Variants in MAMLD1 observed in about 807,000 individuals in gnomAD.
MAMLD1 encodes mastermind-like domain-containing protein 1.
A neutral mutation model predicts 45.0 loss-of-function variants in MAMLD1; 14 were observed. The ratio of observed to expected loss-of-function variants is 0.31; its 90% CI spans 0.21 to 0.49. MAMLD1 has a LOEUF of 0.49. Among genes scored for constraint, MAMLD1 ranks in the 20% least tolerant of loss-of-function variants. The pLI, the probability that MAMLD1 is intolerant of heterozygous loss-of-function variation, is 0.99. For synonymous variants in MAMLD1, 254 were observed against 247.8 expected (o/e 1.02, Z -0.24); for missense variants, 543 against 603.6 (o/e 0.90, Z 1.05).
intron 1 of MAMLD1, among the ~76,000 whole-genome samples, chrX:150,370,986 T>C (rs143680774): frequency 0.018 from 1,976 of 111,461 alleles, 50 homozygotes; most frequent in African/African-American, 0.061. Context: ...ATTGGCTATC[T>C]TGAGCCTCCC....
chrX:150,442,201 C>A (rs782288025), intron 1 of MAMLD1, among the ~76,000 whole-genome samples: 341 of 111,322 alleles, frequency 3.1e-3, no homozygotes, highest in African/African-American at 0.01. Flanking sequence ...GAGCATCTTG[C>A]AACAGCATAT....
chrX:150,497,659 T>G (rs960329502), intron 5 of MAMLD1, among the ~76,000 whole-genome samples: 1 of 110,987 alleles, frequency 9.0e-6, no homozygotes, highest in Non-Finnish European at 1.9e-5. Flanking sequence ...GTCCCCCAAC[T>G]TGGAGTTCTC....
In MAMLD1 at chrX:150,382,971, C is replaced by T. The variant is rs1311493467; in HGVS notation, c.-64+19441C>T. On this transcript the variant is annotated intron_variant, in intron 1 of 7. Transcript: ENST00000370401. ...CCAGGCTGGACTGCAGTGGCGCGAT[C>T]TCGGCTCACTGCAAGCTCCGCCTCC... 7.4e-5 allele frequency among the ~76,000 whole-genome samples: 2 copies of T among 27,104 alleles called. 1 individual carries two copies. The highest frequency in any genetic ancestry group is 1.2e-4 in the Non-Finnish European group (2 of 16,177). The allele number at this position is 27,104 out of a possible 115,157, so 23.5% of individuals were successfully genotyped here.
intron 1 of MAMLD1, among the ~76,000 whole-genome samples, chrX:150,363,785 G>A (rs1569564268): frequency 8.9e-6 from 1 of 112,481 alleles, no homozygotes; most frequent in Non-Finnish European, 1.9e-5. Context: ...CGCCCGTCGG[G>A]CGTCTGAAAT....
intron 2 of MAMLD1, among the ~76,000 whole-genome samples, chrX:150,455,681 T>G (rs1557405295): frequency 9.0e-6 from 1 of 111,654 alleles, no homozygotes; most frequent in African/African-American, 3.3e-5. Context: ...AAACAGACCA[T>G]GAGGGCTCAG....
intron 3 of MAMLD1, among the ~76,000 whole-genome samples, chrX:150,466,955 C>G (rs782359515): frequency 9.0e-6 from 1 of 111,535 alleles, no homozygotes; most frequent in Admixed American, 9.4e-5. Context: ...GATGCCAGAC[C>G]ATTGCCCCTC....
chrX:150,398,314 GAAGAAGAAGAAGAAGAA>G (rs2033563656), intron 1 of MAMLD1, among the ~76,000 whole-genome samples: 5 of 99,128 alleles, frequency 5.0e-5, no homozygotes, highest in African/African-American at 1.9e-4. Flanking sequence ...AGAAGAAGAA[GAAGAAGAAGAAGAAGAA>G]GAAGAAGAAG....
intron 6 of MAMLD1, chrX:150,504,025 A>T: frequency 5.3e-6 from 4 of 753,117 alleles, no homozygotes; most frequent in Non-Finnish European, 6.3e-6. Flanking sequence ...CCCGCCCAGG[A>T]CTCCCACACC....
At chrX:150,500,316 G>C (rs1557408470) in intron 5 of MAMLD1, among the ~76,000 whole-genome samples, 1 of 111,991 alleles carries the variant, frequency 8.9e-6, no homozygotes. Context: ...ATGGCAGCCT[G>C]TCTGGAGAGC....
rs148402349 is a variant in MAMLD1, at chrX:150,471,019, C to T, written c.1446C>T (p.Ser482=). 4.1e-6 allele frequency: 5 copies of T among 1,210,218 alleles called. No homozygotes were observed. In the African/African-American group the frequency reaches 8.7e-5, roughly 21 times the overall value. Residue 482 remains serine (S), a synonymous_variant, in exon 4 of 8, where the codon AGC becomes AGT. Coordinates refer to ENST00000370401, the MANE Select transcript of MAMLD1 (RefSeq NM_005491.5). ...CCCCACAGTGTTCCCTGATCCGAAG[C>T]CTCACTCCCACCAGTAATCTTCTAA... ...SFTPQCSLIR[S]LTPTSNLLSQ... is the part of the protein sequence containing the mutation.
chrX:150,365,505 G>T (rs1356112121), intron 1 of MAMLD1, among the ~76,000 whole-genome samples: 1 of 113,297 alleles, frequency 8.8e-6, no homozygotes, highest in Non-Finnish European at 1.9e-5. Context: ...CGCTCGCCGG[G>T]CTCGGGCATA....
Position 150,462,829 on chromosome X carries a change from C to G in MAMLD1, c.154C>G (p.Pro52Ala). 8.3e-7 allele frequency: 1 copy of G among 1,208,816 alleles called. No homozygotes were observed. The highest frequency in any genetic ancestry group is 1.8e-5 in the South Asian group (1 of 56,915). Residue 52 changes from proline to alanine, a missense_variant, in exon 3 of 8, where the codon CCA becomes GCA. Physicochemically the swap from Pro to Ala is conservative, Grantham distance 27 (BLOSUM62 -1). Coordinates refer to ENST00000370401, the MANE Select transcript of MAMLD1 (RefSeq NM_005491.5). The stretch of plus-strand genomic sequence containing the variant: ...TTTATCTTTTCTCTACAAGAGCAGC[C>G]CAGGAAGAAAGCATCAGGTAAGCAT... ...EDLSFLYKSSPGRKHQGTVKR... is the reference protein window; with the variant it reads ...EDLSFLYKSSAGRKHQGTVKR...
intron 1 of MAMLD1, among the ~76,000 whole-genome samples, chrX:150,423,348 C>CTCTG (rs2034582284): frequency 1.3e-4 from 1 of 7,827 alleles, no homozygotes; most frequent in Non-Finnish European, 1.5e-3. Flanking sequence ...ACATTATACT[C>CTCTG]TGTGTGTGTG....
intron 1 of MAMLD1, among the ~76,000 whole-genome samples, chrX:150,394,249 G>A (rs2033327811): frequency 9.8e-6 from 1 of 102,258 alleles, no homozygotes; most frequent in Non-Finnish European, 2.0e-5. Flanking sequence ...GAACAGTTGA[G>A]TATATTCCTG....
intron 1 of MAMLD1, among the ~76,000 whole-genome samples, chrX:150,370,443 A>G (rs782649968): frequency 8.9e-6 from 1 of 112,119 alleles, no homozygotes; most frequent in East Asian, 2.8e-4. Context: ...TTTAGTCTGT[A>G]AAGGTGTCAA....
intron 3 of MAMLD1, among the ~76,000 whole-genome samples, chrX:150,464,170 T>C (rs2036144025): frequency 8.9e-6 from 1 of 111,753 alleles, no homozygotes. Flanking sequence ...AGGACTTAAC[T>C]GCAGGTCTTC....
At chrX:150,466,909 A>G (rs1310616142) in intron 3 of MAMLD1, among the ~76,000 whole-genome samples, 1 of 111,820 alleles carries the variant, frequency 8.9e-6, no homozygotes, top group African/African-American at 3.3e-5. Flanking sequence ...GAGCCCATAG[A>G]AGCTGCCAGC....
intron 1 of MAMLD1, among the ~76,000 whole-genome samples, chrX:150,368,407 GT>G (rs1166471642): frequency 0.061 from 6,200 of 101,960 alleles, 383 homozygotes; most frequent in African/African-American, 0.18. Flanking sequence ...TGATGGGGTT[GT>G]TTTTTTTTTT....
At chrX:150,508,283 C>T (rs191160421) in intron 6 of MAMLD1, among the ~76,000 whole-genome samples, 632 of 112,302 alleles carry the variant, frequency 5.6e-3, no homozygotes, top group Middle Eastern at 0.037. Context: ...TGGGGTGTTG[C>T]TAGATGACAT....
Sources: allele counts gnomAD v4.1 joint callset (sites outside exome capture counted in the v4.1 genomes callset), GRCh38; gene constraint gnomAD v4.1.1; transcripts MANE v1.5; gene names NCBI Gene and HGNC (gene_info 2026-07-23, HGNC 2026-07-21).